NPAT: variants seen among roughly 807,000 people sequenced by gnomAD.
NPAT encodes nuclear protein, coactivator of histone transcription.
NPAT carries 52 observed loss-of-function variants against 130.7 expected under a neutral mutation model. The ratio of observed to expected loss-of-function variants is 0.40; its 90% CI spans 0.32 to 0.50. The LOEUF (loss-of-function observed/expected upper bound fraction) is 0.50, where lower values mean the gene tolerates loss of function less well. Ranked by LOEUF, NPAT falls within the 20% of genes least tolerant of loss-of-function variation. NPAT has a pLI of 0.68. For missense variants in NPAT, 1,687 were observed against 1,662.6 expected, an observed-to-expected ratio of 1.01 and a Z score of -0.26; for synonymous variants, 580 against 584.8, an observed-to-expected ratio of 0.99 and a Z score of 0.12.
intron 5 of NPAT, among the ~76,000 whole-genome samples, chr11:108,189,741 G>T (rs941460969): frequency 1.3e-5 from 2 of 151,200 alleles, no homozygotes; most frequent in Non-Finnish European, 2.9e-5. Flanking sequence ...GTGGTAGCGG[G>T]CGCCTGTAGT....
Position 108,185,241 on chromosome 11 carries a change from T to A in NPAT, c.897A>T (p.Leu299=), listed in dbSNP as rs757065069. The A allele has an allele frequency of 6.2e-7, 1 of 1,609,924 alleles. No individual in the cohort carries two copies. Among genetic ancestry groups the A allele is most frequent in the Admixed American group, 1.7e-5 (1 of 59,848 alleles). Residue 299 remains leucine, a synonymous_variant, in exon 10 of 18, where the codon CTA becomes CTT. Transcript: ENST00000278612. ...CCCCAACCACCCATACCGGAAGTCC[T>A]AGGAATTCATCAATTGAAGTCTCTG... The part of the protein sequence containing the change: ...TEPETSIDEF[L]GLPSEIHMSE...
At chr11:108,198,552 A>G (rs1250586899) in intron 1 of NPAT, among the ~76,000 whole-genome samples, 1 of 152,182 alleles carries the variant, frequency 6.6e-6, no homozygotes, top group African/African-American at 2.4e-5. Context: ...TTTCAAGCCA[A>G]AGACAGTCTG....
rs2078158512 is a variant in NPAT at position 108,190,440 on chromosome 11, G to GT, written c.331+19dup. On this transcript the variant is annotated intron_variant, in intron 5 of 17. Transcript: ENST00000278612. The stretch of plus-strand genomic sequence containing the variant: ...TAAGTTTGAAGTAATTGTGAACATT[G>GT]TTTAAAGTTGGATACCAACCTCTCT... The GT allele has an allele frequency of 6.3e-7, 1 of 1,594,632 alleles. No homozygotes were observed. The highest frequency in any genetic ancestry group is 1.3e-5 in the African/African-American group (1 of 74,294).
intron 3 of NPAT, among the ~76,000 whole-genome samples, chr11:108,193,322 T>G (rs1266907303): frequency 6.6e-6 from 1 of 152,222 alleles, no homozygotes; most frequent in Non-Finnish European, 1.5e-5. Flanking sequence ...TGTTTATCAG[T>G]GTAGATAACA....
At chr11:108,220,899 A>T (rs535849428) in intron 1 of NPAT, among the ~76,000 whole-genome samples, 3 of 152,320 alleles carry the variant, frequency 2.0e-5, no homozygotes, top group African/African-American at 7.2e-5. Context: ...TCCAAAAGAG[A>T]AGTAATGGCA....
At chr11:108,221,956 A>G (rs1200352957) in intron 1 of NPAT, among the ~76,000 whole-genome samples, 1 of 152,158 alleles carries the variant, frequency 6.6e-6, no homozygotes, top group Non-Finnish European at 1.5e-5. Context: ...TGCAACTGGC[A>G]TTTCACACCT....
chr11:108,161,326 T>C lies in NPAT; in HGVS notation c.3760A>G (p.Ser1254Gly). 1 of 1,614,176 alleles carries C rather than the reference T, an allele frequency of 6.2e-7. No homozygotes were observed. Among genetic ancestry groups the C allele is most frequent in the Non-Finnish European group, 8.5e-7 (1 of 1,179,986 alleles). Residue 1254 changes from serine to glycine, a missense_variant, in exon 17 of 18, where the codon AGC becomes GGC. Physicochemically the swap from Ser to Gly is moderately conservative, Grantham distance 56 (BLOSUM62 0). Coordinates refer to ENST00000278612, the MANE Select transcript of NPAT (RefSeq NM_002519.3). ...TEMLQDIQRH[S>G]SVSRLADSSD... ...CTATCAGCAAGCCTACTTACTGAGCTGTGCCTCTGTATATCCTGTAACATT... is the reference window on the plus strand; with the variant it reads ...CTATCAGCAAGCCTACTTACTGAGCCGTGCCTCTGTATATCCTGTAACATT...
chr11:108,192,249 T>C (rs189511281), intron 3 of NPAT, 59 bp from the exon 4 acceptor site: 52 of 1,093,772 alleles, frequency 4.8e-5, no homozygotes, highest in Admixed American at 3.5e-4. Context: ...CATCATTCAT[T>C]CTGAACAAAG....
At chr11:108,199,147 T>C (rs572915721) in intron 1 of NPAT, among the ~76,000 whole-genome samples, 56 of 152,232 alleles carry the variant, frequency 3.7e-4, no homozygotes, top group African/African-American at 1.2e-3. Flanking sequence ...GAGACAGAGT[T>C]GTAACGGTCC....
intron 1 of NPAT, among the ~76,000 whole-genome samples, chr11:108,211,547 A>G (rs776726526): frequency 1.1e-3 from 145 of 129,024 alleles, no homozygotes; most frequent in Middle Eastern, 3.8e-3. Context: ...TGTCTTCAGG[A>G]AAAAAAAAAA....
At chr11:108,190,250 T>C (rs926576206) in intron 5 of NPAT, among the ~76,000 whole-genome samples, 1 of 134,354 alleles carries the variant, frequency 7.4e-6, no homozygotes, top group Non-Finnish European at 1.5e-5. Context: ...GAGGTGGAGG[T>C]TGCAGTGAGC....
chr11:108,181,959 G>T (rs1211500031), intron 10 of NPAT, among the ~76,000 whole-genome samples: 1 of 152,170 alleles, frequency 6.6e-6, no homozygotes, highest in Non-Finnish European at 1.5e-5. Context: ...TAGTGTGATG[G>T]CTTTTCAAGG....
chr11:108,187,027 C>T (rs1245995022), intron 7 of NPAT, among the ~76,000 whole-genome samples: 1 of 152,192 alleles, frequency 6.6e-6, no homozygotes, highest in Non-Finnish European at 1.5e-5. Flanking sequence ...GCACAGCAAG[C>T]TCTGACTCTC....
chr11:108,195,427 A>C (rs1205849141), intron 2 of NPAT, among the ~76,000 whole-genome samples: 1 of 152,176 alleles, frequency 6.6e-6, no homozygotes, highest in African/African-American at 2.4e-5. Context: ...TGGGGTATTA[A>C]TTTGCATTTT....
Position 108,212,726 on chromosome 11 carries a change from C to T in NPAT, c.37+9774G>A, listed in dbSNP as rs551008017. ...CTGGGAGGCCAAGGCAGGCAGATTGCCTGAGGTCAGGAGTTCGAGACCAGT... is the reference window on the plus strand; with the variant it reads ...CTGGGAGGCCAAGGCAGGCAGATTGTCTGAGGTCAGGAGTTCGAGACCAGT... On this transcript the variant is annotated intron_variant, in intron 1 of 17. Transcript: ENST00000278612. Among the ~76,000 whole-genome samples the T allele has an allele frequency of 7.9e-5, 12 of 151,384 alleles. No homozygotes were observed. In the South Asian group the frequency reaches 2.3e-3, roughly 29 times the overall value.
chr11:108,180,753 T>G (rs765622012), intron 10 of NPAT, among the ~76,000 whole-genome samples: 9 of 152,250 alleles, frequency 5.9e-5, no homozygotes, highest in Non-Finnish European at 1.2e-4. Context: ...TACACCCATG[T>G]TCATTGCAGC....
At chr11:108,183,188 T>C (rs1306961824) in intron 10 of NPAT, among the ~76,000 whole-genome samples, 1 of 152,152 alleles carries the variant, frequency 6.6e-6, no homozygotes, top group Non-Finnish European at 1.5e-5. Context: ...GGTCTCATTA[T>C]GTTGTCCAGG....
chr11:108,179,698 CAA>C (rs1407136508), intron 10 of NPAT, among the ~76,000 whole-genome samples: 1 of 151,946 alleles, frequency 6.6e-6, no homozygotes, highest in East Asian at 1.9e-4. Flanking sequence ...CCAATAATCC[CAA>C]CATTTTGGGA....
intron 15 of NPAT, 141 bp from the exon 16 acceptor site, chr11:108,162,321 C>G: frequency 1.4e-6 from 1 of 708,648 alleles, no homozygotes; most frequent in Admixed American, 2.8e-5. Context: ...GTTGACAAAG[C>G]AGCTTTTAAA....
Sources: gnomAD v4.1 joint callset for allele counts (sites outside exome capture counted in the v4.1 genomes callset) on GRCh38, gnomAD v4.1.1 for gene constraint, MANE v1.5 for transcripts, NCBI Gene and HGNC (gene_info 2026-07-23, HGNC 2026-07-21) for gene names.